The following CHODL variants were observed in gnomAD, a reference collection of about 807,000 sequenced individuals.
CHODL encodes the protein transmembrane protein MT75.
Under a neutral mutation model 34.5 loss-of-function variants are expected in CHODL, and 29 were observed. That is an observed-to-expected ratio of 0.84 (90% CI 0.63 to 1.15). CHODL has a LOEUF of 1.15. CHODL is among the 50% of genes most tolerant of loss of function. The probability of loss-of-function intolerance (pLI) is 0.00; values close to 1 mark genes in which losing one functional copy is unlikely to be tolerated. For synonymous variants in CHODL, 125 were observed against 116.1 expected (o/e 1.08, Z -0.49); for missense variants, 332 against 332.5 (o/e 1.00, Z 0.01).
chr21:17,952,462 AT>A (rs1405310180), intron 1 of CHODL, among the ~76,000 whole-genome samples: 1 of 152,084 alleles, frequency 6.6e-6, no homozygotes, highest in Non-Finnish European at 1.5e-5. Context: ...TGAACGAAAA[AT>A]TACTTACCGT....
intron 1 of CHODL, among the ~76,000 whole-genome samples, chr21:17,978,025 C>T (rs111773199): frequency 3.3e-4 from 50 of 151,928 alleles, no homozygotes; most frequent in African/African-American, 1.2e-3. Flanking sequence ...AATAAATTAG[C>T]CCAAACAGTG....
At chr21:17,934,218 C>T (rs931850118) in intron 1 of CHODL, among the ~76,000 whole-genome samples, 6 of 140,582 alleles carry the variant, frequency 4.3e-5, no homozygotes, top group African/African-American at 1.3e-4. Flanking sequence ...ACATGTACCC[C>T]CTGAATCTAT....
At chr21:17,978,086 T>C (rs2063680967) in intron 1 of CHODL, among the ~76,000 whole-genome samples, 1 of 152,098 alleles carries the variant, frequency 6.6e-6, no homozygotes, top group Admixed American at 6.6e-5. Flanking sequence ...TCAGAAATCC[T>C]AGTTGGTTTG....
intron 2 of CHODL, among the ~76,000 whole-genome samples, chr21:18,217,721 C>T (rs1391615170): frequency 1.3e-5 from 2 of 152,142 alleles, no homozygotes; most frequent in East Asian, 1.9e-4. Context: ...TCCAAAGTCT[C>T]ATCTGAGACA....
intron 2 of CHODL, among the ~76,000 whole-genome samples, chr21:18,170,530 A>G (rs747798346): frequency 1.1e-4 from 17 of 152,098 alleles, no homozygotes; most frequent in Non-Finnish European, 2.2e-4. Flanking sequence ...TTTTCTGTGT[A>G]CTGTCTTAAT....
intron 2 of CHODL, among the ~76,000 whole-genome samples, chr21:18,136,708 G>A (rs7275396): frequency 0.037 from 4,125 of 112,564 alleles, 206 homozygotes; most frequent in African/African-American, 0.12. Flanking sequence ...AATGAAGAAG[G>A]TAAATCAAAG....
intron 2 of CHODL, among the ~76,000 whole-genome samples, chr21:18,218,222 G>C (rs1470473001): frequency 6.6e-6 from 1 of 152,234 alleles, no homozygotes; most frequent in Non-Finnish European, 1.5e-5. Context: ...TCTCCATGAG[G>C]GTTCTGCCCT....
At chr21:18,002,280 A>G (rs2063914048) in intron 1 of CHODL, among the ~76,000 whole-genome samples, 1 of 152,196 alleles carries the variant, frequency 6.6e-6, no homozygotes, top group Non-Finnish European at 1.5e-5. Context: ...TTTAAAAATT[A>G]TATTTGCAAG....
intron 2 of CHODL, among the ~76,000 whole-genome samples, chr21:18,111,113 G>A (rs2065345700): frequency 6.6e-6 from 1 of 152,106 alleles, no homozygotes; most frequent in Non-Finnish European, 1.5e-5. Flanking sequence ...CACTCTCCAT[G>A]TATGAGAGAG....
At chr21:18,209,226 C>G (rs62213380) in intron 2 of CHODL, among the ~76,000 whole-genome samples, 41,682 of 151,794 alleles carry the variant, frequency 0.27, 6,184 homozygotes, top group African/African-American at 0.4. Context: ...AGCTGGCACT[C>G]AAGCCACAAG....
chr21:17,941,720 C>T (rs528583540), intron 1 of CHODL, among the ~76,000 whole-genome samples: 11 of 152,222 alleles, frequency 7.2e-5, no homozygotes, highest in South Asian at 2.1e-4. Context: ...TGTCTTAGTT[C>T]GCTCAGGCTA....
At chr21:18,010,803 T>C (rs1016346289) in intron 1 of CHODL, among the ~76,000 whole-genome samples, 10 of 152,242 alleles carry the variant, frequency 6.6e-5, no homozygotes, top group African/African-American at 2.4e-4. Flanking sequence ...TTTAAGCTTT[T>C]TAGCATTGCA....
At chr21:17,999,415 T>C (rs909161636) in intron 1 of CHODL, among the ~76,000 whole-genome samples, 4 of 152,262 alleles carry the variant, frequency 2.6e-5, no homozygotes, top group African/African-American at 9.6e-5. Flanking sequence ...TTCCACAGTT[T>C]TGGGTATCTT....
rs373502181 is a variant in CHODL, at chr21:18,127,299, T to C, written c.-45+99328T>C. 4.9e-4 allele frequency among the ~76,000 whole-genome samples: 74 copies of C among 152,300 alleles called. 1 individual carries two copies. The South Asian group carries it at 0.014, about 28-fold the overall frequency. Reference sequence around the variant, plus strand: ...GCTTTTAATCACTTTAAAAGGATGATTCATATGGTATTTGTGGTGTCTATA... The same window carrying C: ...GCTTTTAATCACTTTAAAAGGATGACTCATATGGTATTTGTGGTGTCTATA... On this transcript the variant is annotated intron_variant, in intron 2 of 6. Transcript: ENST00000400127.
At position 18,266,133 on chromosome 21, in the gene CHODL, G is replaced by T. The variant is rs755599558; in HGVS notation, c.*95G>T. ...CTTGGAATGGCTTGAAATCACAAAG[G>T]ATCTGCAAGATGAACTGTAAGCTCC... is the stretch of plus-strand genomic sequence containing the variant. On this transcript the variant is annotated 3_prime_UTR_variant, in exon 6 of 6. Coordinates refer to ENST00000299295, the MANE Select transcript of CHODL (RefSeq NM_024944.3). 25 of 1,604,110 alleles carry T rather than the reference G, an allele frequency of 1.6e-5. No individual in the cohort carries two copies. The highest frequency in any genetic ancestry group is 1.9e-5 in the Non-Finnish European group (22 of 1,174,038).
chr21:17,995,929 C>T (rs1338244594), intron 1 of CHODL, among the ~76,000 whole-genome samples: 1 of 152,184 alleles, frequency 6.6e-6, no homozygotes, highest in African/African-American at 2.4e-5. Context: ...GTATTTGATC[C>T]ATTTTGTATT....
At chr21:18,122,041 G>T (rs183111048) in intron 2 of CHODL, among the ~76,000 whole-genome samples, 1 of 152,002 alleles carries the variant, frequency 6.6e-6, no homozygotes, top group Non-Finnish European at 1.5e-5. Flanking sequence ...GTGAATTATA[G>T]CCCCTAAAGA....
At chr21:18,051,486 TC>T (rs2064515973) in intron 2 of CHODL, among the ~76,000 whole-genome samples, 3 of 151,752 alleles carry the variant, frequency 2.0e-5, no homozygotes, top group South Asian at 4.2e-4. Context: ...ATATTTGTGT[TC>T]CTATCTCATT....
chr21:18,190,751 G>C (rs533856268), intron 2 of CHODL, among the ~76,000 whole-genome samples: 2 of 152,232 alleles, frequency 1.3e-5, no homozygotes, highest in African/African-American at 4.8e-5. Flanking sequence ...ATAGCAATCT[G>C]ATAAAAACAA....
Sources: gnomAD v4.1 joint callset for allele counts (sites outside exome capture counted in the v4.1 genomes callset) on GRCh38, gnomAD v4.1.1 for gene constraint, MANE v1.5 for transcripts, NCBI Gene and HGNC (gene_info 2026-07-23, HGNC 2026-07-21) for gene names.